Variants in THRB observed in about 807,000 individuals in gnomAD.
The protein encoded by THRB is thyroid hormone receptor beta.
A neutral mutation model predicts 47.8 loss-of-function variants in THRB; 12 were observed. The observed-to-expected ratio is 0.25, with a 90% confidence interval of 0.16 to 0.41. The LOEUF (loss-of-function observed/expected upper bound fraction) is 0.41. THRB is among the 10% of genes least tolerant of loss of function. The pLI is 1.00. For synonymous variants in THRB, 218 were observed against 212.2 expected, an observed-to-expected ratio of 1.03 and a Z score of -0.24; for missense variants, 348 against 589.2, an observed-to-expected ratio of 0.59 and a Z score of 4.24.
At chr3:24,378,215 A>T (rs1223253651) in intron 1 of THRB, among the ~76,000 whole-genome samples, 2 of 152,182 alleles carry the variant, frequency 1.3e-5, no homozygotes, top group African/African-American at 4.8e-5. Context: ...CCACTTTCTA[A>T]TGTGTAAAAT....
chr3:24,309,290 C>T (rs1322824958), intron 2 of THRB, among the ~76,000 whole-genome samples: 2 of 152,152 alleles, frequency 1.3e-5, no homozygotes, highest in African/African-American at 4.8e-5. Flanking sequence ...AATAGTTTGA[C>T]AAAACAACAC....
intron 1 of THRB, among the ~76,000 whole-genome samples, chr3:24,395,886 GT>G (rs1410994879): frequency 1.3e-5 from 2 of 152,066 alleles, no homozygotes; most frequent in East Asian, 3.9e-4. Context: ...TGGTGAATGG[GT>G]AAACAAAATG....
chr3:24,204,784 T>C (rs1403579836), intron 4 of THRB, among the ~76,000 whole-genome samples: 1 of 152,108 alleles, frequency 6.6e-6, no homozygotes, highest in African/African-American at 2.4e-5. Flanking sequence ...CTAACTACAA[T>C]TACCAGTGTA....
At chr3:24,394,935 C>T (rs571841607) in intron 1 of THRB, among the ~76,000 whole-genome samples, 3 of 152,212 alleles carry the variant, frequency 2.0e-5, no homozygotes, top group Middle Eastern at 3.4e-3. Context: ...TATAGACACT[C>T]TGGCAGAGAG....
chr3:24,199,179 T>C (rs915867613), intron 4 of THRB, among the ~76,000 whole-genome samples: 3 of 152,208 alleles, frequency 2.0e-5, no homozygotes, highest in Non-Finnish European at 4.4e-5. Context: ...CAGGGTGCAC[T>C]CATCTCAAGA....
intron 2 of THRB, among the ~76,000 whole-genome samples, chr3:24,299,777 A>T (rs2361016): frequency 0.46 from 18,194 of 39,674 alleles, 4,354 homozygotes; most frequent in African/African-American, 0.54. Flanking sequence ...TTTTTTATTT[A>T]TTTATTTATT....
At chr3:24,212,650 A>G (rs1161488432) in intron 4 of THRB, among the ~76,000 whole-genome samples, 1 of 150,954 alleles carries the variant, frequency 6.6e-6, no homozygotes, top group Non-Finnish European at 1.5e-5. Flanking sequence ...GATCCAGGCC[A>G]CTTGGAGAGT....
intron 1 of THRB, among the ~76,000 whole-genome samples, chr3:24,341,045 C>G (rs1314842112): frequency 1.3e-5 from 2 of 151,570 alleles, no homozygotes; most frequent in Non-Finnish European, 2.9e-5. Context: ...TTTTTATTGA[C>G]AAGCCATCAC....
intron 1 of THRB, among the ~76,000 whole-genome samples, chr3:24,439,280 A>G (rs149934243): frequency 6.6e-6 from 1 of 152,274 alleles, no homozygotes; most frequent in Non-Finnish European, 1.5e-5. Context: ...CAGCAGCTGG[A>G]GGGCAAGGGG....
At chr3:24,357,590 G>T (rs907629264) in intron 1 of THRB, among the ~76,000 whole-genome samples, 5 of 151,630 alleles carry the variant, frequency 3.3e-5, no homozygotes, top group Non-Finnish European at 5.9e-5. Context: ...TTTTTTCATA[G>T]AAGAGTATTC....
intron 1 of THRB, among the ~76,000 whole-genome samples, chr3:24,397,959 T>C (rs1339664015): frequency 6.6e-6 from 1 of 152,112 alleles, no homozygotes; most frequent in Non-Finnish European, 1.5e-5. Flanking sequence ...GAATTCTCTC[T>C]AGTTGTCAAG....
At chr3:24,136,151 A>C (rs2034646221) in intron 8 of THRB, among the ~76,000 whole-genome samples, 1 of 152,122 alleles carries the variant, frequency 6.6e-6, no homozygotes, top group South Asian at 2.1e-4. Flanking sequence ...TATGCAAGGA[A>C]ATATGGCAAT....
chr3:24,427,208 T>C (rs1007225523), intron 1 of THRB, among the ~76,000 whole-genome samples: 3 of 151,848 alleles, frequency 2.0e-5, no homozygotes, highest in Admixed American at 6.6e-5. Context: ...ACATGGAAAA[T>C]GAATACCCAG....
chr3:24,405,377 G>A (rs1437256244), intron 1 of THRB, among the ~76,000 whole-genome samples: 1 of 151,880 alleles, frequency 6.6e-6, no homozygotes, highest in Non-Finnish European at 1.5e-5. Flanking sequence ...TGAATTACAA[G>A]GACAGAGTTT....
intron 1 of THRB, among the ~76,000 whole-genome samples, chr3:24,360,719 A>G (rs2064000363): frequency 6.6e-6 from 1 of 152,124 alleles, no homozygotes; most frequent in Non-Finnish European, 1.5e-5. Flanking sequence ...TATATAGTTC[A>G]CTTGGTACTA....
At chr3:24,417,129 CACACACA>C (rs754356885) in intron 1 of THRB, among the ~76,000 whole-genome samples, 3,429 of 149,532 alleles carry the variant, frequency 0.023, 101 homozygotes, top group African/African-American at 0.063. Flanking sequence ...CACACACACA[CACACACA>C]CACGCGCAAC....
chr3:24,369,687 ACT>A (rs1241502407), intron 1 of THRB, among the ~76,000 whole-genome samples: 1 of 152,102 alleles, frequency 6.6e-6, no homozygotes, highest in Admixed American at 6.6e-5. Flanking sequence ...ACCAGTGCAC[ACT>A]CTGTTTCACT....
intron 8 of THRB, among the ~76,000 whole-genome samples, chr3:24,136,721 A>G (rs930227362): frequency 6.6e-6 from 1 of 152,142 alleles, no homozygotes; most frequent in Admixed American, 6.5e-5. Context: ...ACCTGTGGGG[A>G]AAGCCTGCTT....
chr3:24,342,726 G>A (rs1231735031), intron 1 of THRB, among the ~76,000 whole-genome samples: 1 of 152,120 alleles, frequency 6.6e-6, no homozygotes, highest in African/African-American at 2.4e-5. Context: ...CATACAAGGT[G>A]TTGCTCAGTG....
Sources: allele counts gnomAD v4.1 joint callset (sites outside exome capture counted in the v4.1 genomes callset), GRCh38; gene constraint gnomAD v4.1.1; transcripts MANE v1.5; gene names NCBI Gene and HGNC (gene_info 2026-07-23, HGNC 2026-07-21).